ARHGAP6: variants seen among roughly 807,000 people sequenced by gnomAD.
ARHGAP6 encodes the protein Rho GTPase activating protein 6.
In ARHGAP6, 16 loss-of-function variants were observed where a neutral mutation model predicts 55.7. The observed-to-expected ratio is 0.29, with a 90% confidence interval of 0.19 to 0.44. The LOEUF is 0.44. Among genes scored for constraint, ARHGAP6 ranks in the 20% least tolerant of loss-of-function variants. The pLI is 1.00. For missense variants in ARHGAP6, 698 were observed against 808.9 expected (o/e 0.86, Z 1.66); for synonymous variants, 382 against 360.9 (o/e 1.06, Z -0.66).
intron 10 of ARHGAP6, chrX:11,148,639 G>T: frequency 5.4e-6 from 2 of 372,979 alleles, no homozygotes; most frequent in Admixed American, 2.5e-5. Context: ...CCCTTAGCTG[G>T]TCCCTCCAGG....
At chrX:11,311,585 A>T (rs1273847821) in intron 1 of ARHGAP6, among the ~76,000 whole-genome samples, 3 of 111,861 alleles carry the variant, frequency 2.7e-5, no homozygotes, top group Non-Finnish European at 5.6e-5. Context: ...TTGTCTTAAA[A>T]ATCTCAACCT....
intron 1 of ARHGAP6, among the ~76,000 whole-genome samples, chrX:11,447,407 T>C (rs2050102173): frequency 8.9e-6 from 1 of 112,475 alleles, no homozygotes; most frequent in Admixed American, 9.4e-5. Flanking sequence ...AGTCCTTTAT[T>C]ATCTTAGATC....
chrX:11,199,866 C>T (rs2046595422), intron 2 of ARHGAP6, among the ~76,000 whole-genome samples: 1 of 112,301 alleles, frequency 8.9e-6, no homozygotes, highest in African/African-American at 3.2e-5. Context: ...TTTAGCACAC[C>T]ATTTTCTCTT....
chrX:11,149,484 G>T (rs1223335314), intron 10 of ARHGAP6, among the ~76,000 whole-genome samples: 1 of 111,032 alleles, frequency 9.0e-6, no homozygotes, highest in Non-Finnish European at 1.9e-5. Context: ...GGCAGGGGCA[G>T]TTAATGCTTC....
At position 11,138,861 on chromosome X, in the gene ARHGAP6, G is replaced by T. The variant is rs779302667; in HGVS notation, c.*2C>A. The T allele has an allele frequency of 8.5e-5, 100 of 1,175,182 alleles. No individual in the cohort carries two copies. In the African/African-American group the frequency reaches 1.6e-3, roughly 19 times the overall value. On this transcript the variant is annotated 3_prime_UTR_variant, in exon 13 of 13. Coordinates refer to ENST00000337414, the MANE Select transcript of ARHGAP6 (RefSeq NM_013427.3). ...GCAGGGGGGGCTCGGCTGGGTGCGG[G>T]CTCAGACCAGCGTCTCGGGCAGGGC...
chrX:11,450,839 C>A (rs2050137455), intron 1 of ARHGAP6, among the ~76,000 whole-genome samples: 1 of 111,611 alleles, frequency 9.0e-6, no homozygotes, highest in South Asian at 3.8e-4. Flanking sequence ...ACACCTCCCT[C>A]CATTGTTGTG....
chrX:11,437,000 T>C (rs926510779), intron 1 of ARHGAP6, among the ~76,000 whole-genome samples: 5 of 110,566 alleles, frequency 4.5e-5, no homozygotes, highest in East Asian at 2.8e-4. Flanking sequence ...GACCAAGGAA[T>C]TGTTCACTTT....
intron 2 of ARHGAP6, among the ~76,000 whole-genome samples, chrX:11,202,973 C>T (rs189948858): frequency 1.5e-4 from 17 of 110,213 alleles, no homozygotes; most frequent in African/African-American, 5.6e-4. Flanking sequence ...CCTGCTATCT[C>T]ACTGTGCCTC....
intron 1 of ARHGAP6, among the ~76,000 whole-genome samples, chrX:11,388,200 G>T (rs1439169576): frequency 3.6e-5 from 4 of 110,592 alleles, no homozygotes; most frequent in Admixed American, 9.6e-5. Context: ...TTTCTCCACA[G>T]CCTCTCCAGC....
intron 1 of ARHGAP6, among the ~76,000 whole-genome samples, chrX:11,523,002 A>T (rs184077485): frequency 4.5e-5 from 5 of 111,736 alleles, no homozygotes; most frequent in African/African-American, 1.6e-4. Flanking sequence ...ACTGGCAAAC[A>T]GAATCCAGCA....
chrX:11,178,530 C>T lies in ARHGAP6; in HGVS notation c.1481-282G>A, dbSNP rs148405607. The stretch of plus-strand genomic sequence containing the variant: ...CAATTTCCCTTACTTTCTTCTCCCC[C>T]CTTCCCTGGCATTACTCATCACCTA... On this transcript the variant is annotated intron_variant, in intron 7 of 12. Coordinates refer to ENST00000337414, the MANE Select transcript of ARHGAP6 (RefSeq NM_013427.3). Among the ~76,000 whole-genome samples the T allele has an allele frequency of 5.7e-3, 629 of 110,963 alleles. 4 individuals are homozygous for T. The highest frequency in any genetic ancestry group is 0.018 in the African/African-American group (556 of 30,554).
chrX:11,659,306 A>G (rs2052670715), intron 1 of ARHGAP6, among the ~76,000 whole-genome samples: 1 of 111,081 alleles, frequency 9.0e-6, no homozygotes, highest in South Asian at 3.8e-4. Context: ...TTACCTCTAA[A>G]ACACATCTGA....
At chrX:11,370,726 C>T (rs1489631450) in intron 1 of ARHGAP6, among the ~76,000 whole-genome samples, 1 of 111,472 alleles carries the variant, frequency 9.0e-6, no homozygotes, top group African/African-American at 3.3e-5. Flanking sequence ...GACCATAGTA[C>T]CTATGGCATG....
At chrX:11,502,210 G>A (rs969818645) in intron 1 of ARHGAP6, among the ~76,000 whole-genome samples, 4 of 112,449 alleles carry the variant, frequency 3.6e-5, no homozygotes, top group Admixed American at 9.4e-5. Flanking sequence ...CAATCTGAAC[G>A]TCACAAAAAT....
At chrX:11,661,025 C>A (rs760359542) in intron 1 of ARHGAP6, among the ~76,000 whole-genome samples, 1 of 111,759 alleles carries the variant, frequency 8.9e-6, no homozygotes, top group South Asian at 3.7e-4. Flanking sequence ...TACAGAAATG[C>A]GTATGCTCAA....
Position 11,220,466 on chromosome X carries a change from G to A in ARHGAP6, c.749-23470C>T, listed in dbSNP as rs1376288202. ...AAACCCTACAAGCCAGAAGAGAGTG[G>A]GGGCCAATATTCAACATTCTTAAAG... On this transcript the variant is annotated intron_variant, in intron 2 of 12. Transcript: ENST00000337414. Among the ~76,000 whole-genome samples, 10 of 111,040 alleles carry A rather than the reference G, an allele frequency of 9.0e-5. No individual in the cohort carries two copies. The East Asian group carries it at 2.8e-3, about 32-fold the overall frequency.
At chrX:11,190,000 G>T (rs1019012052) in intron 3 of ARHGAP6, among the ~76,000 whole-genome samples, 1 of 112,219 alleles carries the variant, frequency 8.9e-6, no homozygotes, top group Non-Finnish European at 1.9e-5. Flanking sequence ...CCCTATGAAT[G>T]AAACTAAAAT....
At chrX:11,152,121 C>G (rs905884460) in intron 10 of ARHGAP6, among the ~76,000 whole-genome samples, 1 of 111,987 alleles carries the variant, frequency 8.9e-6, no homozygotes, top group Non-Finnish European at 1.9e-5. Flanking sequence ...CTTTTTATCT[C>G]TAGTTTACAG....
chrX:11,463,688 T>TC (rs1482052655), intron 1 of ARHGAP6, among the ~76,000 whole-genome samples: 2 of 111,777 alleles, frequency 1.8e-5, no homozygotes, highest in Non-Finnish European at 3.8e-5. Flanking sequence ...CATGAGTGTG[T>TC]CCCCCTGGGA....
Sources: allele counts gnomAD v4.1 joint callset (sites outside exome capture counted in the v4.1 genomes callset), GRCh38; gene constraint gnomAD v4.1.1; transcripts MANE v1.5; gene names NCBI Gene and HGNC (gene_info 2026-07-23, HGNC 2026-07-21).